The following ADAM18 variants were observed in gnomAD, a reference collection of about 807,000 sequenced individuals.
ADAM18 encodes disintegrin and metalloproteinase domain-containing protein 18.
A neutral mutation model predicts 94.4 loss-of-function variants in ADAM18; 117 were observed. The ratio of observed to expected loss-of-function variants is 1.24; its 90% CI spans 1.07 to 1.45. The LOEUF (loss-of-function observed/expected upper bound fraction) is 1.45. ADAM18 is among the 40% of genes most tolerant of loss of function. The pLI, the probability that ADAM18 is intolerant of heterozygous loss-of-function variation, is 0.00. For missense variants in ADAM18, 936 were observed against 880.0 expected (o/e 1.06, Z -0.81); for synonymous variants, 327 against 291.6 (o/e 1.12, Z -1.24).
intron 18 of ADAM18, among the ~76,000 whole-genome samples, chr8:39,719,555 A>T (rs1822687848): frequency 6.6e-6 from 1 of 151,460 alleles, no homozygotes; most frequent in African/African-American, 2.4e-5. Flanking sequence ...TATTTGTAAA[A>T]TATATACCTG....
intron 16 of ADAM18, among the ~76,000 whole-genome samples, chr8:39,691,239 T>A (rs767080321): frequency 6.6e-6 from 1 of 152,202 alleles, no homozygotes; most frequent in Admixed American, 6.5e-5. Flanking sequence ...TCAATTAATG[T>A]AATTCACTGC....
chr8:39,640,313 G>A (rs1018579587), intron 10 of ADAM18, among the ~76,000 whole-genome samples: 4 of 152,010 alleles, frequency 2.6e-5, no homozygotes, highest in African/African-American at 7.3e-5. Flanking sequence ...AGTTTGCTGA[G>A]GATAATGGCT....
At chr8:39,708,579 A>G (rs547733942) in intron 18 of ADAM18, among the ~76,000 whole-genome samples, 1 of 152,324 alleles carries the variant, frequency 6.6e-6, no homozygotes, top group Non-Finnish European at 1.5e-5. Flanking sequence ...GTTTCTATAA[A>G]TGAAGGCAAT....
intron 6 of ADAM18, among the ~76,000 whole-genome samples, chr8:39,620,357 C>CATAAAAAAAA (rs1819573993): frequency 1.1e-5 from 1 of 90,568 alleles, no homozygotes; most frequent in African/African-American, 4.4e-5. Flanking sequence ...GCAACAAAAG[C>CATAAAAAAAA]AAAAAAAAAA....
Position 39,729,914 on chromosome 8 carries a change from T to A in ADAM18, c.2194T>A (p.Ser732Thr). 1.9e-6 allele frequency: 3 copies of A among 1,613,570 alleles called. No individual in the cohort carries two copies. Among genetic ancestry groups the A allele is most frequent in the Non-Finnish European group, 2.5e-6 (3 of 1,179,512 alleles). Reference sequence around the variant, plus strand: ...TCACTATAGTAATTCATCCGTTGTATCAGAAAGCGATGACGTGGGACATTA... The same window carrying A: ...TCACTATAGTAATTCATCCGTTGTAACAGAAAGCGATGACGTGGGACATTA... The part of the protein sequence containing the change: ...AEYNRNSSVV[S>T]ESDDVGH Residue 732 changes from serine to threonine, a missense_variant, in exon 20 of 20, where the codon TCA becomes ACA. Coordinates refer to ENST00000265707, the MANE Select transcript of ADAM18 (RefSeq NM_014237.3).
intron 6 of ADAM18, among the ~76,000 whole-genome samples, chr8:39,612,725 C>A (rs1034601502): frequency 1.3e-5 from 2 of 152,174 alleles, no homozygotes; most frequent in Non-Finnish European, 2.9e-5. Flanking sequence ...TTCTGGGGTT[C>A]CTCCTTGGCT....
intron 16 of ADAM18, among the ~76,000 whole-genome samples, chr8:39,682,751 A>T (rs1358478174): frequency 1.3e-5 from 2 of 152,214 alleles, no homozygotes; most frequent in Non-Finnish European, 2.9e-5. Flanking sequence ...AGATCTACAA[A>T]TGGAAGAGCT....
intron 12 of ADAM18, among the ~76,000 whole-genome samples, chr8:39,658,838 C>T (rs540753984): frequency 1.2e-4 from 18 of 152,194 alleles, no homozygotes; most frequent in South Asian, 1.0e-3. Flanking sequence ...TGGAGAGTAC[C>T]GTACATGCCC....
chr8:39,706,418 A>C (rs1394814813), intron 17 of ADAM18, among the ~76,000 whole-genome samples: 2 of 152,142 alleles, frequency 1.3e-5, no homozygotes, highest in Admixed American at 6.5e-5. Flanking sequence ...GCATGAATAG[A>C]AAATGTCCAA....
intron 6 of ADAM18, among the ~76,000 whole-genome samples, chr8:39,628,331 A>G (rs1819830588): frequency 6.6e-6 from 1 of 151,998 alleles, no homozygotes; most frequent in Non-Finnish European, 1.5e-5. Flanking sequence ...GAGAGGATAT[A>G]TAGATGGATA....
intron 6 of ADAM18, among the ~76,000 whole-genome samples, chr8:39,629,095 A>G (rs191718788): frequency 3.2e-4 from 49 of 152,118 alleles, no homozygotes; most frequent in Middle Eastern, 3.4e-3. Flanking sequence ...TTGTCTGCAG[A>G]TGAAGACAGC....
At chr8:39,625,218 T>C (rs975563387) in intron 6 of ADAM18, among the ~76,000 whole-genome samples, 25 of 152,248 alleles carry the variant, frequency 1.6e-4, no homozygotes, top group Admixed American at 1.6e-3. Context: ...GGATTTAGTG[T>C]TCTGTAGTTT....
intron 17 of ADAM18, among the ~76,000 whole-genome samples, chr8:39,704,859 A>G (rs1452726792): frequency 6.6e-6 from 1 of 152,086 alleles, no homozygotes; most frequent in Non-Finnish European, 1.5e-5. Flanking sequence ...TACAGTTAAA[A>G]GTATAATATA....
At chr8:39,671,560 G>C (rs972147299) in intron 14 of ADAM18, among the ~76,000 whole-genome samples, 1 of 152,124 alleles carries the variant, frequency 6.6e-6, no homozygotes, top group Admixed American at 6.6e-5. Flanking sequence ...TATTTTTCAG[G>C]TTTGGGGTTC....
intron 6 of ADAM18, among the ~76,000 whole-genome samples, chr8:39,616,008 G>T (rs1293276025): frequency 6.6e-6 from 1 of 152,166 alleles, no homozygotes; most frequent in Non-Finnish European, 1.5e-5. Context: ...AGAGGTGAAA[G>T]ATCTCTATAA....
At chr8:39,589,941 G>T (rs2129457999) in intron 2 of ADAM18, among the ~76,000 whole-genome samples, 1 of 149,444 alleles carries the variant, frequency 6.7e-6, no homozygotes, top group Non-Finnish European at 1.5e-5. Flanking sequence ...AACAACAGGT[G>T]CTGGAGAGGA....
At chr8:39,715,509 G>T (rs1822543577) in intron 18 of ADAM18, among the ~76,000 whole-genome samples, 1 of 150,546 alleles carries the variant, frequency 6.6e-6, no homozygotes, top group Non-Finnish European at 1.5e-5. Context: ...GAAAATCAAT[G>T]AAAGACTGGT....
At chr8:39,615,997 G>T (rs907867406) in intron 6 of ADAM18, among the ~76,000 whole-genome samples, 12 of 152,182 alleles carry the variant, frequency 7.9e-5, no homozygotes, top group African/African-American at 2.7e-4. Context: ...TAGATAATCA[G>T]AGAGGTGAAA....
At chr8:39,708,197 G>T (rs1476414419) in intron 18 of ADAM18, among the ~76,000 whole-genome samples, 1 of 152,160 alleles carries the variant, frequency 6.6e-6, no homozygotes, top group Non-Finnish European at 1.5e-5. Flanking sequence ...GCCCATGGTT[G>T]TTACTGTGCA....
Sources: allele counts gnomAD v4.1 joint callset (sites outside exome capture counted in the v4.1 genomes callset), GRCh38; gene constraint gnomAD v4.1.1; transcripts MANE v1.5; gene names NCBI Gene and HGNC (gene_info 2026-07-23, HGNC 2026-07-21).